ANKDD1A: variants seen among roughly 807,000 people sequenced by gnomAD.
ANKDD1A encodes the protein ankyrin repeat and death domain-containing protein 1A.
Under a neutral mutation model 63.5 loss-of-function variants are expected in ANKDD1A, and 59 were observed. The ratio of observed to expected loss-of-function variants is 0.93; its 90% confidence interval spans 0.75 to 1.15. The LOEUF (loss-of-function observed/expected upper bound fraction) is 1.15. ANKDD1A is among the 50% of genes most tolerant of loss of function. The pLI, the probability that ANKDD1A is intolerant of heterozygous loss-of-function variation, is 0.00. For missense variants in ANKDD1A, 632 were observed against 656.4 expected (o/e 0.96, Z 0.41); for synonymous variants, 266 against 263.9 (o/e 1.01, Z -0.08).
intron 6 of ANKDD1A, among the ~76,000 whole-genome samples, chr15:64,930,576 G>A (rs1209148606): frequency 2.6e-5 from 4 of 152,206 alleles, no homozygotes; most frequent in Non-Finnish European, 4.4e-5. Context: ...AGGAGGGACC[G>A]GCTTCAGATG....
Position 64,947,533 on chromosome 15 carries a change from C to G in ANKDD1A, c.1291C>G (p.Leu431Val). Residue 431 changes from leucine (L) to valine (V), a missense_variant, in exon 13 of 15, where the codon CTG becomes GTG. Transcript: ENST00000319580. ...RYLQPREWKK[L>V]AYSWEFTEAH... ...TCTGCAGCCCCGTGAGTGGAAGAAG[C>G]TGGCATATTCCTGGGAGTTCACGGA... The G allele has an allele frequency of 6.2e-7, 1 of 1,614,152 alleles. No individual in the cohort carries two copies. Among genetic ancestry groups the G allele is most frequent in the Non-Finnish European group, 8.5e-7 (1 of 1,180,006 alleles).
chr15:64,932,126 C>T, intron 8 of ANKDD1A: 1 of 154,992 alleles, frequency 6.5e-6, no homozygotes, highest in Non-Finnish European at 1.4e-5. Context: ...GAACTCCTGA[C>T]CTCAAGTGAT....
intron 1 of ANKDD1A, among the ~76,000 whole-genome samples, chr15:64,914,313 G>A (rs2084954155): frequency 6.6e-6 from 1 of 152,114 alleles, no homozygotes; most frequent in South Asian, 2.1e-4. Context: ...TAGAGACAGG[G>A]TCTCACTCTG....
At chr15:64,929,314 C>G (rs976826385) in intron 6 of ANKDD1A, among the ~76,000 whole-genome samples, 43 of 152,112 alleles carry the variant, frequency 2.8e-4, no homozygotes, top group African/African-American at 1.0e-3. Flanking sequence ...TCTGGAACTA[C>G]AGGCACGCAC....
At chr15:64,922,856 C>G (rs139805742) in intron 4 of ANKDD1A, among the ~76,000 whole-genome samples, 2,187 of 152,222 alleles carry the variant, frequency 0.014, 36 homozygotes, top group Non-Finnish European at 0.019. Context: ...GTACTTGTGA[C>G]TTTGTCACTA....
intron 14 of ANKDD1A, among the ~76,000 whole-genome samples, chr15:64,952,112 CT>C (rs1595858966): frequency 9.1e-5 from 2 of 21,968 alleles, no homozygotes; most frequent in Admixed American, 7.5e-4. Flanking sequence ...TTCTTTTCTT[CT>C]TCTTTCTTCT....
chr15:64,923,760 C>T (rs750549503), intron 4 of ANKDD1A, among the ~76,000 whole-genome samples: 1 of 152,212 alleles, frequency 6.6e-6, no homozygotes, highest in African/African-American at 2.4e-5. Flanking sequence ...GTTCTGCTGT[C>T]TGGTCCTGCC....
At chr15:64,922,240 C>G in intron 4 of ANKDD1A, 1 of 548,816 alleles carries the variant, frequency 1.8e-6, no homozygotes, top group Non-Finnish European at 3.3e-6. Flanking sequence ...AGAGAGAAAT[C>G]AAAGTAACTC....
chr15:64,938,698 T>A lies in ANKDD1A; in HGVS notation c.868-3769T>A, dbSNP rs531934090. On this transcript the variant is annotated intron_variant, in intron 9 of 14. Coordinates refer to ENST00000319580, the MANE Select transcript of ANKDD1A (RefSeq NM_182703.6). ...CAGACGCAGTGGCTCATGCCTGTAATCCCAGCACTTTGGGAGGCTGAGGTG... is the reference window on the plus strand; with the variant it reads ...CAGACGCAGTGGCTCATGCCTGTAAACCCAGCACTTTGGGAGGCTGAGGTG... Among the ~76,000 whole-genome samples, 3 of 152,262 alleles carry A rather than the reference T, an allele frequency of 2.0e-5. No homozygotes were observed. The East Asian group carries it at 5.8e-4, about 29-fold the overall frequency.
chr15:64,942,284 T>TG (rs1432545543), intron 9 of ANKDD1A, among the ~76,000 whole-genome samples, 183 bp from the exon 10 acceptor site: 1 of 152,100 alleles, frequency 6.6e-6, no homozygotes, highest in Non-Finnish European at 1.5e-5. Flanking sequence ...AGGATCAGTT[T>TG]GGGGCTCCAG....
intron 14 of ANKDD1A, among the ~76,000 whole-genome samples, chr15:64,953,518 C>CTT (rs2085343360): frequency 1.9e-5 from 1 of 51,934 alleles, no homozygotes. Context: ...CTTCCTTCTC[C>CTT]TTCTTCCTTC....
Position 64,953,781 on chromosome 15 carries a change from C to CTT in ANKDD1A, c.1484-3320_1484-3319dup, listed in dbSNP as rs565903387. Among the ~76,000 whole-genome samples, 1,063 of 140,324 alleles carry CTT rather than the reference C, an allele frequency of 7.6e-3. 9 individuals carry two copies. Among genetic ancestry groups the CTT allele is most frequent in the Middle Eastern group, 0.011 (3 of 268 alleles). The allele number at this position is 140,324 out of a possible 152,430, so 92.1% of individuals were successfully genotyped here. A position where few individuals can be genotyped will look rare whatever the true frequency, so the allele number is the denominator to read the frequency against. On this transcript the variant is annotated intron_variant, in intron 14 of 14. Coordinates refer to ENST00000319580, the MANE Select transcript of ANKDD1A (RefSeq NM_182703.6). ...CGTTCTTCTTCCTCTTCCCTCTTTT[C>CTT]TTTCTTCTGCTTTCTTCTTCCTTTT... is the stretch of plus-strand genomic sequence containing the variant.
chr15:64,918,231 C>T (rs1205513595), intron 3 of ANKDD1A, among the ~76,000 whole-genome samples: 1 of 152,168 alleles, frequency 6.6e-6, no homozygotes, highest in Non-Finnish European at 1.5e-5. Flanking sequence ...AGTCTCATAA[C>T]CTGGTGTCTA....
chr15:64,925,874 C>G (rs913927762), intron 4 of ANKDD1A, among the ~76,000 whole-genome samples, 192 bp from the exon 5 acceptor site: 1 of 152,100 alleles, frequency 6.6e-6, no homozygotes, highest in East Asian at 1.9e-4. Context: ...GGCATCCCGA[C>G]TCCTGCCAGC....
At chr15:64,950,957 A>G (rs2085265224) in intron 14 of ANKDD1A, 2 of 1,271,382 alleles carry the variant, frequency 1.6e-6, no homozygotes, top group Non-Finnish European at 1.0e-6. Context: ...TTAACAGAAA[A>G]TATCAGGAAG....
chr15:64,947,841 T>C (rs2085236462), intron 13 of ANKDD1A, among the ~76,000 whole-genome samples: 1 of 152,230 alleles, frequency 6.6e-6, no homozygotes, highest in Non-Finnish European at 1.5e-5. Flanking sequence ...ACCCACTGTT[T>C]ATACCTAAAC....
intron 4 of ANKDD1A, 102 bp from the exon 5 acceptor site, chr15:64,925,964 G>T: frequency 5.1e-6 from 5 of 987,008 alleles, no homozygotes; most frequent in South Asian, 4.4e-5. Context: ...CCATGGGGAG[G>T]CTGTGTTCTG....
At chr15:64,919,045 A>G (rs2084990132) in intron 3 of ANKDD1A, among the ~76,000 whole-genome samples, 1 of 152,152 alleles carries the variant, frequency 6.6e-6, no homozygotes, top group Admixed American at 6.5e-5. Flanking sequence ...TGCCTGCTGT[A>G]GTAATGGGGT....
At chr15:64,953,155 TTCTTCTTTC>T (rs1365356139) in intron 14 of ANKDD1A, among the ~76,000 whole-genome samples, 4 of 3,802 alleles carry the variant, frequency 1.1e-3, no homozygotes, top group Non-Finnish European at 9.5e-3. Context: ...TTTTTCTCCT[TTCTTCTTTC>T]CTTCTTTTCT....
Sources: allele counts gnomAD v4.1 joint callset (sites outside exome capture counted in the v4.1 genomes callset), GRCh38; gene constraint gnomAD v4.1.1; transcripts MANE v1.5; gene names NCBI Gene and HGNC (gene_info 2026-07-23, HGNC 2026-07-21).